The following ERC1 variants were observed in gnomAD, a reference collection of about 807,000 sequenced individuals.
ERC1 encodes the protein ELKS/RAB6-interacting/CAST family member 1.
Under a neutral mutation model 132.0 loss-of-function variants are expected in ERC1, and 56 were observed. The observed-to-expected ratio is 0.42, with a 90% CI of 0.34 to 0.53. ERC1 has a LOEUF of 0.53. Among genes scored for constraint, ERC1 ranks in the 20% least tolerant of loss-of-function variants. The probability of loss-of-function intolerance (pLI) is 0.03; values close to 1 mark genes in which losing one functional copy is unlikely to be tolerated. For synonymous variants in ERC1, 478 were observed against 476.1 expected, an observed-to-expected ratio of 1.00 and a Z score of -0.05; for missense variants, 1,202 against 1,349.9, an observed-to-expected ratio of 0.89 and a Z score of 1.72.
At chr12:1,113,463 C>A (rs972707020) in intron 6 of ERC1, among the ~76,000 whole-genome samples, 1 of 152,162 alleles carries the variant, frequency 6.6e-6, no homozygotes. Context: ...TCTTTACTGA[C>A]CTATACTAGG....
chr12:1,142,181 A>G lies in ERC1; in HGVS notation c.1737+394A>G, dbSNP rs74539239. On this transcript the variant is annotated intron_variant, in intron 8 of 18. Transcript: ENST00000360905. The stretch of plus-strand genomic sequence containing the variant: ...AAGATGACAATTTTAAGCCGAGACC[A>G]GTAGCATCCAGACCAACACATAATT... Among the ~76,000 whole-genome samples the G allele has an allele frequency of 2.4e-3, 364 of 152,352 alleles. 6 individuals are homozygous for G. The East Asian group carries it at 0.024, about 10-fold the overall frequency.
chr12:1,282,404 G>A (rs1022903710), intron 14 of ERC1, among the ~76,000 whole-genome samples: 1 of 152,102 alleles, frequency 6.6e-6, no homozygotes, highest in Admixed American at 6.5e-5. Flanking sequence ...AAAGCACTTA[G>A]AACAGTGTAC....
intron 13 of ERC1, among the ~76,000 whole-genome samples, chr12:1,259,622 A>G (rs1229234183): frequency 4.1e-5 from 6 of 147,334 alleles, no homozygotes; most frequent in Non-Finnish European, 7.4e-5. Context: ...CTCCTGGTTC[A>G]AGTGATTCTC....
At chr12:1,099,897 G>A (rs1944470682) in intron 3 of ERC1, among the ~76,000 whole-genome samples, 1 of 128,512 alleles carries the variant, frequency 7.8e-6, no homozygotes, top group Non-Finnish European at 1.6e-5. Context: ...ACCCAGGCTG[G>A]ACTGCAGTGG....
chr12:1,445,421 G>A lies in ERC1; in HGVS notation c.3213+671G>A, dbSNP rs189281878. On this transcript the variant is annotated intron_variant, in intron 18 of 18. Coordinates refer to ENST00000360905, the MANE Select transcript of ERC1 (RefSeq NM_178040.4). ...GTTTTTTGTGTTTTCAGTAGAGATG[G>A]GGTTTCACCAAGCTGGCGAGGCTGG... 2.7e-3 allele frequency among the ~76,000 whole-genome samples: 416 copies of A among 151,904 alleles called. 3 individuals are homozygous for A. Among genetic ancestry groups the A allele is most frequent in the Non-Finnish European group, 3.3e-3 (225 of 67,946 alleles).
intron 18 of ERC1, among the ~76,000 whole-genome samples, chr12:1,484,639 G>A (rs1436068185): frequency 1.6e-4 from 24 of 150,320 alleles, no homozygotes; most frequent in Admixed American, 3.3e-4. Flanking sequence ...GTGCAGTGGC[G>A]TGATCTCGGC....
Position 1,444,576 on chromosome 12 carries a change from C to T in ERC1, c.3039C>T (p.Leu1013=), listed in dbSNP as rs540313165. ...KPSPDQIIQP[L]LELDQNRSKL... is the part of the protein sequence containing the mutation. Reference sequence around the variant, plus strand: ...TTTTGCCTTAGATCATCCAGCCCCTCTTAGAACTTGACCAAAATAGAAGTA... The same window carrying T: ...TTTTGCCTTAGATCATCCAGCCCCTTTTAGAACTTGACCAAAATAGAAGTA... The change falls in exon 18 of 19, where the codon CTC becomes CTT. Residue 1013 remains leucine (L), a synonymous_variant. Transcript: ENST00000360905. The T allele has an allele frequency of 3.7e-6, 6 of 1,611,836 alleles. No homozygotes were observed. In the South Asian group the frequency reaches 5.5e-5, roughly 15 times the overall value.
intron 8 of ERC1, among the ~76,000 whole-genome samples, chr12:1,177,123 G>C (rs1433868913): frequency 6.6e-6 from 1 of 152,220 alleles, no homozygotes; most frequent in African/African-American, 2.4e-5. Flanking sequence ...AATGAAGAGA[G>C]TTAGGGCCTT....
chr12:1,475,113 C>T lies in ERC1; in HGVS notation c.3214-14980C>T, dbSNP rs149160403. Among the ~76,000 whole-genome samples, 664 of 152,334 alleles carry T rather than the reference C, an allele frequency of 4.4e-3. 8 individuals are homozygous for T. The highest frequency in any genetic ancestry group is 0.015 in the African/African-American group (619 of 41,576). On this transcript the variant is annotated intron_variant, in intron 18 of 18. Transcript: ENST00000360905. ...CCAGAGGCCACCTTCGTATCCTATACTTGTCCCGTATTCCATCCCTTAAGA... is the reference window on the plus strand; with the variant it reads ...CCAGAGGCCACCTTCGTATCCTATATTTGTCCCGTATTCCATCCCTTAAGA...
chr12:1,129,220 TG>T lies in ERC1; in HGVS notation c.1570-12399del, dbSNP rs143375686. ...TAGACTGGGCATGATGGCTCACGCCTGTAATCCTAGTGGAGGTCAAGGTAGG... is the reference window on the plus strand; with the variant it reads ...TAGACTGGGCATGATGGCTCACGCCTTAATCCTAGTGGAGGTCAAGGTAGG... On this transcript the variant is annotated intron_variant, in intron 7 of 18. Coordinates refer to ENST00000360905, the MANE Select transcript of ERC1 (RefSeq NM_178040.4). 7.8e-3 allele frequency among the ~76,000 whole-genome samples: 1,193 copies of T among 152,318 alleles called. 13 individuals carry two copies. Among genetic ancestry groups the T allele is most frequent in the African/African-American group, 0.024 (981 of 41,562 alleles).
intron 7 of ERC1, among the ~76,000 whole-genome samples, chr12:1,135,172 T>C (rs1410377414): frequency 2.0e-5 from 3 of 152,206 alleles, no homozygotes; most frequent in Non-Finnish European, 4.4e-5. Flanking sequence ...GGGATTTTGC[T>C]TCCTGTTCCA....
chr12:1,127,596 A>C (rs2154234936), intron 7 of ERC1, among the ~76,000 whole-genome samples: 1 of 152,018 alleles, frequency 6.6e-6, no homozygotes, highest in African/African-American at 2.4e-5. Context: ...TACTTGTTAC[A>C]AGTAGTGTGT....
chr12:1,025,140 G>C (rs1966843644), intron 1 of ERC1, among the ~76,000 whole-genome samples: 1 of 152,056 alleles, frequency 6.6e-6, no homozygotes, highest in Non-Finnish European at 1.5e-5. Flanking sequence ...AGGGACAACT[G>C]CCTGTGGTTT....
At chr12:1,202,433 G>A (rs2154285413) in intron 12 of ERC1, among the ~76,000 whole-genome samples, 1 of 152,238 alleles carries the variant, frequency 6.6e-6, no homozygotes, top group Admixed American at 6.5e-5. Flanking sequence ...GAAAGTGGGT[G>A]GATTGCTTGA....
chr12:1,451,245 C>A (rs1442470105), intron 18 of ERC1, among the ~76,000 whole-genome samples: 1 of 151,808 alleles, frequency 6.6e-6, no homozygotes, highest in Non-Finnish European at 1.5e-5. Context: ...CATATGTTTA[C>A]CATTTTCAAA....
At chr12:1,465,832 C>T (rs2093732202) in intron 18 of ERC1, among the ~76,000 whole-genome samples, 1 of 152,240 alleles carries the variant, frequency 6.6e-6, no homozygotes, top group African/African-American at 2.4e-5. Context: ...CTCCCTGAGC[C>T]TTCTAGAGAA....
intron 18 of ERC1, among the ~76,000 whole-genome samples, chr12:1,459,674 T>C (rs979599746): frequency 6.6e-5 from 10 of 152,264 alleles, no homozygotes; most frequent in Admixed American, 3.3e-4. Context: ...ACTATTTGCA[T>C]AGACTGAAAG....
chr12:1,031,863 C>G (rs1443477925), intron 2 of ERC1, among the ~76,000 whole-genome samples: 1 of 152,020 alleles, frequency 6.6e-6, no homozygotes, highest in Non-Finnish European at 1.5e-5. Context: ...AATGCTGGCT[C>G]AGAAACATCA....
intron 15 of ERC1, among the ~76,000 whole-genome samples, chr12:1,295,000 G>A (rs919986015): frequency 1.4e-4 from 21 of 152,134 alleles, no homozygotes; most frequent in African/African-American, 4.8e-4. Flanking sequence ...TTAGAAGATG[G>A]TCTGTGTAGC....
Sources: allele counts gnomAD v4.1 joint callset (sites outside exome capture counted in the v4.1 genomes callset), GRCh38; gene constraint gnomAD v4.1.1; transcripts MANE v1.5; gene names NCBI Gene and HGNC (gene_info 2026-07-23, HGNC 2026-07-21).